Variants in NRG1 observed in about 807,000 individuals in gnomAD.
The protein encoded by NRG1 is neuregulin 1.
NRG1 carries 18 observed loss-of-function variants against 63.8 expected under a neutral mutation model. That is an observed-to-expected ratio of 0.28 (90% CI 0.19 to 0.42). The LOEUF (loss-of-function observed/expected upper bound fraction) is 0.42. Among genes scored for constraint, NRG1 ranks in the 10% least tolerant of loss-of-function variants. The pLI, the probability that NRG1 is intolerant of heterozygous loss-of-function variation, is 1.00. For synonymous variants in NRG1, 302 were observed against 301.3 expected (o/e 1.00, Z -0.02); for missense variants, 762 against 814.7 (o/e 0.94, Z 0.79).
chr8:31,880,046 G>T (rs1272613685), intron 1 of NRG1, among the ~76,000 whole-genome samples: 1 of 152,066 alleles, frequency 6.6e-6, no homozygotes, highest in Non-Finnish European at 1.5e-5. Context: ...TTTCCGGTGA[G>T]GTTGCAGAGA....
intron 1 of NRG1, among the ~76,000 whole-genome samples, chr8:32,014,950 G>T (rs879588562): frequency 5.9e-5 from 9 of 152,066 alleles, no homozygotes; most frequent in Non-Finnish European, 1.2e-4. Flanking sequence ...GAACACCAAA[G>T]ATTGCCAGCA....
At position 31,894,546 on chromosome 8, in the gene NRG1, C is replaced by CTTTTTTTTTTTTTTTTTTTTT. The variant is rs370312165; in HGVS notation, c.37+255121_37+255122insTTTTTTTTTTTTTTTTTTTTT. Among the ~76,000 whole-genome samples, 4 of 98,068 alleles carry CTTTTTTTTTTTTTTTTTTTTT rather than the reference C, an allele frequency of 4.1e-5. 1 individual carries two copies. Among genetic ancestry groups the CTTTTTTTTTTTTTTTTTTTTT allele is most frequent in the African/African-American group, 3.3e-5 (1 of 30,082 alleles). The allele number at this position is 98,068 out of a possible 152,430, so 64.3% of individuals were successfully genotyped here. On this transcript the variant is annotated intron_variant, in intron 1 of 10. Coordinates refer to the NRG1 transcript ENST00000519301. ...GTGAAATCATAATTGCTATTTCTTT[C>CTTTTTTTTTTTTTTTTTTTTT]TTTTTTCTTTTTTTTTTTTTTTGAG...
intron 1 of NRG1, among the ~76,000 whole-genome samples, chr8:31,843,234 C>A (rs1254748970): frequency 6.6e-6 from 1 of 152,114 alleles, no homozygotes; most frequent in Admixed American, 6.5e-5. Flanking sequence ...ACAGAAGTAG[C>A]AGTTTTATAA....
At chr8:32,536,101 A>T (rs758505973) in intron 1 of NRG1, among the ~76,000 whole-genome samples, 1 of 152,222 alleles carries the variant, frequency 6.6e-6, no homozygotes, top group South Asian at 2.1e-4. Flanking sequence ...AACAATACTC[A>T]TTTATTAACT....
intron 1 of NRG1, among the ~76,000 whole-genome samples, chr8:32,406,802 A>T (rs1814053333): frequency 6.6e-6 from 1 of 152,028 alleles, no homozygotes. Context: ...TTTTTGCTTA[A>T]TAAGTATATC....
At chr8:32,339,281 A>G (rs1375229010) in intron 1 of NRG1, among the ~76,000 whole-genome samples, 1 of 152,196 alleles carries the variant, frequency 6.6e-6, no homozygotes, top group Non-Finnish European at 1.5e-5. Flanking sequence ...TTCTAATTGT[A>G]ATGATAAAAA....
chr8:32,467,064 A>G (rs1190550260), intron 1 of NRG1, among the ~76,000 whole-genome samples: 1 of 152,118 alleles, frequency 6.6e-6, no homozygotes, highest in African/African-American at 2.4e-5. Context: ...TGAAAAATTC[A>G]TATTTTAACC....
In NRG1 at chr8:31,842,016, A is replaced by G. The variant is rs114912623; in HGVS notation, c.37+202585A>G. ...CTTCCCTCCTCCTCCTCCCCATTCT[A>G]CTCAGCTCTGAATTGCAGTTGCATA... is the stretch of plus-strand genomic sequence containing the variant. On this transcript the variant is annotated intron_variant, in intron 1 of 10. Coordinates refer to the NRG1 transcript ENST00000519301. Among the ~76,000 whole-genome samples, 906 of 152,160 alleles carry G rather than the reference A, an allele frequency of 6.0e-3. 12 individuals are homozygous for G. The highest frequency in any genetic ancestry group is 0.02 in the African/African-American group (816 of 41,514).
At chr8:31,687,153 C>A (rs1015319741) in intron 1 of NRG1, among the ~76,000 whole-genome samples, 2 of 151,780 alleles carry the variant, frequency 1.3e-5, no homozygotes, top group African/African-American at 4.8e-5. Context: ...AAAAAGGAAA[C>A]AACTAAATGC....
At chr8:32,065,274 AC>A (rs1824575749) in intron 1 of NRG1, among the ~76,000 whole-genome samples, 2 of 152,034 alleles carry the variant, frequency 1.3e-5, no homozygotes, top group Admixed American at 1.3e-4. Flanking sequence ...ACATATGTAT[AC>A]ATGTGCCATG....
At chr8:32,691,254 G>A (rs1452615976) in intron 5 of NRG1, among the ~76,000 whole-genome samples, 1 of 152,020 alleles carries the variant, frequency 6.6e-6, no homozygotes, top group Non-Finnish European at 1.5e-5. Context: ...CAGCTACTTG[G>A]GAGGCAGGAG....
At chr8:32,033,370 G>A (rs1225804242) in intron 1 of NRG1, among the ~76,000 whole-genome samples, 3 of 152,290 alleles carry the variant, frequency 2.0e-5, no homozygotes, top group Admixed American at 1.3e-4. Context: ...ATAGTTTGAA[G>A]TTGTATAGCA....
chr8:31,853,233 C>A (rs1827451729), intron 1 of NRG1, among the ~76,000 whole-genome samples: 1 of 152,096 alleles, frequency 6.6e-6, no homozygotes, highest in Non-Finnish European at 1.5e-5. Context: ...TTGATTCTTC[C>A]TACCCATGAG....
chr8:31,908,788 A>G (rs2129616921), intron 1 of NRG1, among the ~76,000 whole-genome samples: 1 of 152,200 alleles, frequency 6.6e-6, no homozygotes, highest in South Asian at 2.1e-4. Flanking sequence ...TTTGCTGCTT[A>G]TTTAATTTAT....
chr8:32,500,041 A>G (rs1300932989), intron 1 of NRG1, among the ~76,000 whole-genome samples: 1 of 152,164 alleles, frequency 6.6e-6, no homozygotes. Flanking sequence ...TAAAACATAA[A>G]ATTTCTTTCT....
rs190295733 is a variant in NRG1 at position 32,634,587 on chromosome 8, G to A, written c.502+17702G>A. Among the ~76,000 whole-genome samples the A allele has an allele frequency of 4.3e-3, 661 of 152,228 alleles. 3 individuals are homozygous for A. The highest frequency in any genetic ancestry group is 8.1e-3 in the Non-Finnish European group (549 of 68,012). ...GGTGTTGGAAAAAGCTAAACTGATCGGAGAAATAAATCTGTCCAAAGTAGA... is the reference window on the plus strand; with the variant it reads ...GGTGTTGGAAAAAGCTAAACTGATCAGAGAAATAAATCTGTCCAAAGTAGA... On this transcript the variant is annotated intron_variant, in intron 5 of 11. Coordinates refer to ENST00000356819, the Ensembl canonical transcript of NRG1.
chr8:32,741,987 TACC>T lies in NRG1; in HGVS notation c.633-685_633-683del, dbSNP rs1826422677. On this transcript the variant is annotated intron_variant, in intron 6 of 11. Coordinates refer to ENST00000356819, the Ensembl canonical transcript of NRG1. ...GTGTCTTTAGCATTTTTTTTTTGCT[TACC>T]ACATTTTTGCCCTCTAGGTGCCAAC... 3.1e-6 allele frequency: 5 copies of T among 1,607,792 alleles called. No homozygotes were observed. The South Asian group carries it at 5.5e-5, about 18-fold the overall frequency.
chr8:32,464,401 A>T (rs921218931), intron 1 of NRG1, among the ~76,000 whole-genome samples: 1 of 150,060 alleles, frequency 6.7e-6, no homozygotes, highest in Non-Finnish European at 1.5e-5. Flanking sequence ...GCAGAATCCC[A>T]ATCCAGCACT....
intron 1 of NRG1, among the ~76,000 whole-genome samples, chr8:32,284,489 G>GCCTGCCTGCCTTCCTT (rs1338557078): frequency 0.021 from 2,770 of 132,520 alleles, 39 homozygotes; most frequent in Admixed American, 0.039. Context: ...CTGCCTGCCT[G>GCCTGCCTGCCTTCCTT]CCTTCCTTCC....
Sources: gnomAD v4.1 joint callset for allele counts (sites outside exome capture counted in the v4.1 genomes callset) on GRCh38, gnomAD v4.1.1 for gene constraint, MANE v1.5 for transcripts, NCBI Gene and HGNC (gene_info 2026-07-23, HGNC 2026-07-21) for gene names.